The following NDST4 variants were observed in gnomAD, a reference collection of about 807,000 sequenced individuals.
NDST4 encodes N-heparan sulfate sulfotransferase 4.
Under a neutral mutation model 100.8 loss-of-function variants are expected in NDST4, and 63 were observed. The ratio of observed to expected loss-of-function variants is 0.62; its 90% CI spans 0.51 to 0.77. The LOEUF is 0.77. NDST4 is among the 30% of genes least tolerant of loss of function. NDST4 has a pLI of 0.00. For missense variants in NDST4, 943 were observed against 1,018.4 expected, an observed-to-expected ratio of 0.93 and a Z score of 1.01; for synonymous variants, 377 against 361.8, an observed-to-expected ratio of 1.04 and a Z score of -0.48.
intron 2 of NDST4, among the ~76,000 whole-genome samples, chr4:115,037,126 C>T (rs1482412406): frequency 2.0e-5 from 3 of 151,936 alleles, no homozygotes; most frequent in African/African-American, 7.2e-5. Context: ...GGTTGTGATT[C>T]CAAGACCATT....
intron 4 of NDST4, among the ~76,000 whole-genome samples, chr4:114,965,028 T>C (rs1460952168): frequency 1.3e-5 from 2 of 152,118 alleles, no homozygotes; most frequent in African/African-American, 2.4e-5. Context: ...GTAAAGATTT[T>C]TTTATTTGTT....
chr4:115,112,040 G>A (rs1382396885), intron 1 of NDST4, among the ~76,000 whole-genome samples: 1 of 151,228 alleles, frequency 6.6e-6, no homozygotes, highest in Non-Finnish European at 1.5e-5. Flanking sequence ...GACTGTTGTA[G>A]TCAGTGGACT....
At chr4:115,093,382 G>A (rs1729559345) in intron 1 of NDST4, among the ~76,000 whole-genome samples, 1 of 152,014 alleles carries the variant, frequency 6.6e-6, no homozygotes, top group Admixed American at 6.6e-5. Flanking sequence ...GGCTGAGGCA[G>A]GAGAATGGCG....
At chr4:114,910,369 A>AT (rs776280927) in intron 6 of NDST4, among the ~76,000 whole-genome samples, 4 of 152,180 alleles carry the variant, frequency 2.6e-5, no homozygotes, top group Non-Finnish European at 4.4e-5. Flanking sequence ...GCCTTAAAAC[A>AT]TCATAATATT....
At chr4:114,886,065 T>C (rs888557370) in intron 6 of NDST4, among the ~76,000 whole-genome samples, 1 of 152,082 alleles carries the variant, frequency 6.6e-6, no homozygotes, top group Non-Finnish European at 1.5e-5. Context: ...CACCTTTTGC[T>C]CTCTACTCTC....
chr4:114,986,832 A>ATATATATTTTT, intron 2 of NDST4, among the ~76,000 whole-genome samples: 15 of 94,658 alleles, frequency 1.6e-4, no homozygotes, highest in African/African-American at 2.6e-4. Context: ...ATATATATAT[A>ATATATATTTTT]TTTTAATATA....
chr4:114,914,448 A>G (rs1178327282), intron 6 of NDST4, among the ~76,000 whole-genome samples: 1 of 152,130 alleles, frequency 6.6e-6, no homozygotes, highest in Admixed American at 6.6e-5. Context: ...ATATATACCT[A>G]CTGTGTACCC....
At chr4:114,954,857 GA>G (rs970889745) in intron 4 of NDST4, among the ~76,000 whole-genome samples, 56 of 152,218 alleles carry the variant, frequency 3.7e-4, no homozygotes, top group African/African-American at 1.3e-3. Context: ...AATAGTGAGT[GA>G]ATTCTCTGCA....
chr4:115,081,730 A>G (rs9685915), intron 1 of NDST4, among the ~76,000 whole-genome samples: 6,393 of 152,244 alleles, frequency 0.042, 457 homozygotes, highest in African/African-American at 0.14. Context: ...TTTTTATTTT[A>G]CCTTAATTAG....
chr4:114,998,609 T>A (rs1434255085), intron 2 of NDST4, among the ~76,000 whole-genome samples: 1 of 152,084 alleles, frequency 6.6e-6, no homozygotes, highest in Non-Finnish European at 1.5e-5. Context: ...TTAAGCCTCA[T>A]TGCTCTCAGA....
At chr4:115,004,741 G>A (rs1727375997) in intron 2 of NDST4, among the ~76,000 whole-genome samples, 1 of 152,138 alleles carries the variant, frequency 6.6e-6, no homozygotes, top group Non-Finnish European at 1.5e-5. Flanking sequence ...GACATGTATG[G>A]TGTTTCTTTA....
intron 2 of NDST4, among the ~76,000 whole-genome samples, chr4:115,035,905 G>A (rs1728223001): frequency 6.6e-6 from 1 of 151,914 alleles, no homozygotes; most frequent in Non-Finnish European, 1.5e-5. Context: ...TATTTACAAT[G>A]AAAAATGTCA....
chr4:115,085,090 G>A (rs140184073), intron 1 of NDST4, among the ~76,000 whole-genome samples: 230 of 152,308 alleles, frequency 1.5e-3, no homozygotes, highest in African/African-American at 4.9e-3. Flanking sequence ...CACCTCTTGC[G>A]TCAGCATGAC....
intron 6 of NDST4, among the ~76,000 whole-genome samples, chr4:114,934,411 CGTG>C (rs1725580431): frequency 6.6e-6 from 1 of 151,790 alleles, no homozygotes; most frequent in Admixed American, 6.5e-5. Context: ...ATTAGCCGGG[CGTG>C]GTGGTGGCAG....
At chr4:114,962,710 T>A (rs1284088376) in intron 4 of NDST4, among the ~76,000 whole-genome samples, 5 of 152,118 alleles carry the variant, frequency 3.3e-5, no homozygotes, top group African/African-American at 1.2e-4. Flanking sequence ...TCAGAAGACT[T>A]AATATTGGTA....
intron 1 of NDST4, among the ~76,000 whole-genome samples, chr4:115,112,122 G>A (rs953122042): frequency 6.7e-6 from 1 of 149,166 alleles, no homozygotes; most frequent in Non-Finnish European, 1.5e-5. Context: ...CAAATGACCA[G>A]CACAGAACCT....
At chr4:115,095,409 G>A (rs933954340) in intron 1 of NDST4, among the ~76,000 whole-genome samples, 14 of 152,060 alleles carry the variant, frequency 9.2e-5, no homozygotes, top group African/African-American at 3.1e-4. Flanking sequence ...AGCTCTAACT[G>A]AAATCTGGCT....
intron 6 of NDST4, among the ~76,000 whole-genome samples, chr4:114,887,433 A>G (rs1429103848): frequency 4.6e-5 from 7 of 152,194 alleles, no homozygotes; most frequent in East Asian, 1.9e-4. Flanking sequence ...CTTAAGTGTC[A>G]GAACTGTTTA....
chr4:114,884,113 G>A (rs1724428706), intron 6 of NDST4, among the ~76,000 whole-genome samples: 1 of 152,118 alleles, frequency 6.6e-6, no homozygotes, highest in Admixed American at 6.6e-5. Flanking sequence ...CACTTATAAT[G>A]AGAAAGATTA....
Sources: gnomAD v4.1 joint callset for allele counts (sites outside exome capture counted in the v4.1 genomes callset) on GRCh38, gnomAD v4.1.1 for gene constraint, MANE v1.5 for transcripts, NCBI Gene and HGNC (gene_info 2026-07-23, HGNC 2026-07-21) for gene names.